PTP4A1: variants seen among roughly 807,000 people sequenced by gnomAD.
PTP4A1 encodes the protein protein tyrosine phosphatase 4A1, also known as protein tyrosine phosphatase type IVA 1.
A neutral mutation model predicts 20.5 loss-of-function variants in PTP4A1; 9 were observed. That is an observed-to-expected ratio of 0.44 (90% CI 0.26 to 0.77). The LOEUF (loss-of-function observed/expected upper bound fraction) is 0.77. PTP4A1 is among the 30% of genes least tolerant of loss of function. The pLI, the probability that PTP4A1 is intolerant of heterozygous loss-of-function variation, is 0.19. For synonymous variants in PTP4A1, 78 were observed against 67.4 expected, an observed-to-expected ratio of 1.16 and a Z score of -0.77; for missense variants, 137 against 218.8, an observed-to-expected ratio of 0.63 and a Z score of 2.36.
chr6:63,583,438 C>T lies in PTP4A1; in HGVS notation c.*3264C>T, dbSNP rs986322069. ...TTGGGGTAACCAGCCTAAGTGGAAT[C>T]TTGGAAGGAAAGTAAGGGAAAAACT... On this transcript the variant is annotated 3_prime_UTR_variant, in exon 6 of 6. Transcript: ENST00000626021. 5 of 152,132 alleles carry T rather than the reference C, an allele frequency of 3.3e-5. No homozygotes were observed. Among genetic ancestry groups the T allele is most frequent in the African/African-American group, 1.2e-4 (5 of 41,418 alleles). 9.4% of individuals were successfully genotyped at this position (152,132 alleles called of 1,614,324 possible). A position where few individuals can be genotyped will look rare whatever the true frequency, so the allele number is the denominator to read the frequency against.
At chr6:63,522,052 T>A (rs1774947524) in intron 1 of PTP4A1, among the ~76,000 whole-genome samples, 1 of 152,202 alleles carries the variant, frequency 6.6e-6, no homozygotes, top group African/African-American at 2.4e-5. Flanking sequence ...TCCCACAGGC[T>A]TTGCCAGATA....
chr6:63,527,678 C>G (rs950841633), intron 1 of PTP4A1: 1 of 152,148 alleles, frequency 6.6e-6, no homozygotes, highest in African/African-American at 2.4e-5. Flanking sequence ...TGTCCAAGGT[C>G]ACGTAATGAG....
intron 3 of PTP4A1, 52 bp downstream of exon 3, chr6:63,578,581 A>G: frequency 6.4e-7 from 1 of 1,566,582 alleles, no homozygotes; most frequent in South Asian, 1.2e-5. Flanking sequence ...ACAAAAGTTT[A>G]TTCAAATAGT....
chr6:63,581,933 ATGTCTT>A lies in PTP4A1; in HGVS notation c.*1765_*1770del. 1 of 152,300 alleles carries A rather than the reference ATGTCTT, an allele frequency of 6.6e-6. No individual in the cohort carries two copies. Among genetic ancestry groups the A allele is most frequent in the Non-Finnish European group, 1.5e-5 (1 of 67,996 alleles). 9.4% of individuals were successfully genotyped at this position (152,300 alleles called of 1,614,324 possible). A position where few individuals can be genotyped will look rare whatever the true frequency, so the allele number is the denominator to read the frequency against. ...TTTGATCACGTTAATCTAAATCTAG[ATGTCTT>A]TGTCTAATTTTTTTTGAATAGCAGT... On this transcript the variant is annotated 3_prime_UTR_variant, in exon 6 of 6. Coordinates refer to ENST00000626021, the MANE Select transcript of PTP4A1 (RefSeq NM_003463.5).
At chr6:63,519,184 G>A (rs191212124), upstream of PTP4A1, among the ~76,000 whole-genome samples, 66 of 152,160 alleles carry the variant, frequency 4.3e-4, no homozygotes, top group African/African-American at 1.5e-3. Flanking sequence ...GTGGGTGCCT[G>A]TAATCCCAGC....
In PTP4A1 at chr6:63,580,407, T is replaced by C. The variant is rs994790770; in HGVS notation, c.*233T>C. 6.6e-6 allele frequency: 3 copies of C among 453,440 alleles called. No homozygotes were observed. The highest frequency in any genetic ancestry group is 5.9e-5 in the African/African-American group (3 of 51,206). 28.1% of individuals were successfully genotyped at this position (453,440 alleles called of 1,614,324 possible). On this transcript the variant is annotated 3_prime_UTR_variant, in exon 6 of 6. Transcript: ENST00000626021. ...TTGCTGTCAGCATATAAAATGTGCTTGTCATTTGTATCAATTGACCTTTCC... is the reference window on the plus strand; with the variant it reads ...TTGCTGTCAGCATATAAAATGTGCTCGTCATTTGTATCAATTGACCTTTCC...
At chr6:63,549,156 GCCA>G in intron 2 of PTP4A1, 1 of 684,424 alleles carries the variant, frequency 1.5e-6, no homozygotes, top group Non-Finnish European at 2.6e-6. Context: ...TTTCTTTTTG[GCCA>G]GGGCCAACAG....
intron 3 of PTP4A1, among the ~76,000 whole-genome samples, chr6:63,559,359 T>A (rs1776833744): frequency 6.6e-6 from 1 of 152,226 alleles, no homozygotes; most frequent in Non-Finnish European, 1.5e-5. Context: ...ATTTCCATCC[T>A]TACTTGTAAA....
chr6:63,574,421 G>A (rs1374604895), intron 1 of PTP4A1, among the ~76,000 whole-genome samples: 2 of 152,186 alleles, frequency 1.3e-5, no homozygotes, highest in Non-Finnish European at 2.9e-5. Context: ...ATTGGGAATG[G>A]AGGAGTGTCT....
At chr6:63,578,781 T>G (rs760032582) in intron 3 of PTP4A1, 117 bp from the exon 4 acceptor site, 27 of 1,176,294 alleles carry the variant, frequency 2.3e-5, no homozygotes, top group Admixed American at 6.8e-5. Context: ...TTAATAAGAT[T>G]TGATTAAACA....
chr6:63,567,433 G>A (rs928635749), intron 3 of PTP4A1, among the ~76,000 whole-genome samples: 7 of 152,192 alleles, frequency 4.6e-5, no homozygotes, highest in African/African-American at 1.7e-4. Flanking sequence ...GCATTTCAGT[G>A]ACCATGTGCA....
intron 3 of PTP4A1, among the ~76,000 whole-genome samples, chr6:63,565,736 C>A (rs1298206156): frequency 6.6e-6 from 1 of 152,180 alleles, no homozygotes; most frequent in Non-Finnish European, 1.5e-5. Flanking sequence ...TTGGAAATTT[C>A]TGTGTCTAAA....
upstream of PTP4A1, chr6:63,571,247 TAATA>T (rs780222533): frequency 6.6e-6 from 1 of 152,202 alleles, no homozygotes; most frequent in Non-Finnish European, 1.5e-5. Context: ...ATAGAAGTTC[TAATA>T]AATCCTAAGA....
intron 3 of PTP4A1, among the ~76,000 whole-genome samples, chr6:63,561,692 A>T (rs1776956771): frequency 1.3e-5 from 2 of 152,232 alleles, no homozygotes; most frequent in African/African-American, 2.4e-5. Context: ...CTTGGTTTAT[A>T]GCCACAAACA....
chr6:63,516,480 A>T, the PTP4A1 span, among the ~76,000 whole-genome samples: 5 of 152,316 alleles, frequency 3.3e-5, no homozygotes, highest in African/African-American at 1.2e-4. Flanking sequence ...CTGAAGTTTG[A>T]ATGATCTAGC....
chr6:63,532,401 A>G (rs1581913577), intron 2 of PTP4A1, among the ~76,000 whole-genome samples: 1 of 152,156 alleles, frequency 6.6e-6, no homozygotes, highest in Non-Finnish European at 1.5e-5. Flanking sequence ...ATGCTCACAT[A>G]CTACCAGTAC....
At chr6:63,579,665 A>G (rs1259552706) in intron 5 of PTP4A1, among the ~76,000 whole-genome samples, 2 of 152,248 alleles carry the variant, frequency 1.3e-5, no homozygotes, top group Non-Finnish European at 2.9e-5. Context: ...GTTGACAATA[A>G]CAGCCAAATT....
intron 3 of PTP4A1, among the ~76,000 whole-genome samples, chr6:63,560,447 GC>G (rs1370289648): frequency 2.0e-5 from 3 of 150,726 alleles, no homozygotes; most frequent in Non-Finnish European, 1.5e-5. Context: ...TGTTGGGCGG[GC>G]TGGAAGGCAG....
chr6:63,535,132 T>C (rs544021805), intron 2 of PTP4A1, among the ~76,000 whole-genome samples: 1 of 151,920 alleles, frequency 6.6e-6, no homozygotes, highest in East Asian at 1.9e-4. Flanking sequence ...ATACATGGGG[T>C]GTGGTCCCTG....
Sources: allele counts gnomAD v4.1 joint callset (sites outside exome capture counted in the v4.1 genomes callset), GRCh38; gene constraint gnomAD v4.1.1; transcripts MANE v1.5; gene names NCBI Gene and HGNC (gene_info 2026-07-23, HGNC 2026-07-21).